Variants in MYO18B observed in about 807,000 individuals in gnomAD.
MYO18B encodes the protein myosin XVIIIB, also known as unconventional myosin-XVIIIb.
A neutral mutation model predicts 273.0 loss-of-function variants in MYO18B; 204 were observed. The ratio of observed to expected loss-of-function variants is 0.75; its 90% CI spans 0.67 to 0.84. The LOEUF (loss-of-function observed/expected upper bound fraction) is 0.84. Among genes scored for constraint, MYO18B ranks in the 40% least tolerant of loss-of-function variants. The pLI, the probability that MYO18B is intolerant of heterozygous loss-of-function variation, is 0.00. For missense variants in MYO18B, 3,212 were observed against 3,287.6 expected, an observed-to-expected ratio of 0.98 and a Z score of 0.56; for synonymous variants, 1,330 against 1,305.7, an observed-to-expected ratio of 1.02 and a Z score of -0.40.
In MYO18B at chr22:25,960,881, G is replaced by A. The variant is rs999605379; in HGVS notation, c.6156+5517G>A. Among the ~76,000 whole-genome samples, 4 of 152,122 alleles carry A rather than the reference G, an allele frequency of 2.6e-5. No individual in the cohort carries two copies. In the East Asian group the frequency reaches 7.7e-4, roughly 29 times the overall value. On this transcript the variant is annotated intron_variant, in intron 39 of 43. Coordinates refer to ENST00000335473, the MANE Select transcript of MYO18B (RefSeq NM_032608.7). The stretch of plus-strand genomic sequence containing the variant: ...ATCTTTTATGGGGCCGGATATGTTG[G>A]CTCATGCTTTATAATCCTAGCACTT...
At chr22:25,850,708 A>G (rs1443491232) in intron 20 of MYO18B, among the ~76,000 whole-genome samples, 1 of 152,122 alleles carries the variant, frequency 6.6e-6, no homozygotes, top group Non-Finnish European at 1.5e-5. Flanking sequence ...AGTAGCTGCG[A>G]CTACAGGAAC....
intron 30 of MYO18B, 114 bp downstream of exon 30, chr22:25,902,850 G>C (rs1183479035): frequency 5.0e-6 from 6 of 1,206,340 alleles, no homozygotes; most frequent in Non-Finnish European, 6.8e-6. Context: ...AGGGTATCCT[G>C]GTCTGTCAAG....
the MYO18B span, among the ~76,000 whole-genome samples, chr22:26,059,157 C>G: frequency 5.3e-5 from 8 of 152,152 alleles, no homozygotes; most frequent in Non-Finnish European, 1.0e-4. Context: ...TTTCTGACTC[C>G]CAGAAGTGGT....
the MYO18B span, among the ~76,000 whole-genome samples, chr22:26,044,710 C>T: frequency 6.6e-6 from 1 of 152,172 alleles, no homozygotes; most frequent in Non-Finnish European, 1.5e-5. Flanking sequence ...TCTGAATTTG[C>T]ATTTGACCAT....
At chr22:26,055,718 C>G in the MYO18B span, among the ~76,000 whole-genome samples, 1 of 152,124 alleles carries the variant, frequency 6.6e-6, no homozygotes, top group Non-Finnish European at 1.5e-5. Context: ...TTCTGGAAAC[C>G]TTGTGCCCTA....
intron 7 of MYO18B, among the ~76,000 whole-genome samples, chr22:25,773,533 G>T (rs955848179): frequency 6.6e-6 from 1 of 151,996 alleles, no homozygotes; most frequent in Non-Finnish European, 1.5e-5. Context: ...GCACGATCTC[G>T]GCTCACTGCA....
At chr22:25,861,773 C>T (rs1406828031) in intron 21 of MYO18B, among the ~76,000 whole-genome samples, 1 of 152,120 alleles carries the variant, frequency 6.6e-6, no homozygotes, top group Non-Finnish European at 1.5e-5. Context: ...TTGAACACCC[C>T]TTCTAGTGAT....
chr22:25,956,503 ACTGCGCCCGGC>A (rs1449526458), intron 39 of MYO18B, among the ~76,000 whole-genome samples: 4 of 152,216 alleles, frequency 2.6e-5, no homozygotes, highest in Non-Finnish European at 5.9e-5. Context: ...AGTGTGAGCC[ACTGCGCCCGGC>A]CCCAAGGAAC....
intron 28 of MYO18B, chr22:25,898,029 TCTGTGGGTGCATTGG>T (rs2091848974): frequency 5.5e-6 from 2 of 361,140 alleles, no homozygotes; most frequent in East Asian, 1.1e-4. Context: ...GTAGGTAAAG[TCTGTGGGTGCATTGG>T]CTGGAGGTTT....
intron 36 of MYO18B, among the ~76,000 whole-genome samples, chr22:25,948,486 C>CTT (rs767017177): frequency 6.8e-5 from 5 of 73,268 alleles, no homozygotes; most frequent in Admixed American, 1.5e-4. Context: ...TTCTTTCTTT[C>CTT]TCTTTCTTTC....
chr22:25,836,829 G>A (rs577846702), intron 17 of MYO18B, among the ~76,000 whole-genome samples: 3 of 152,198 alleles, frequency 2.0e-5, no homozygotes, highest in South Asian at 4.2e-4. Flanking sequence ...GGGTGTGATG[G>A]CGCATGCCTG....
chr22:25,930,059 C>T (rs1182239586), intron 34 of MYO18B, among the ~76,000 whole-genome samples: 1 of 152,152 alleles, frequency 6.6e-6, no homozygotes, highest in African/African-American at 2.4e-5. Flanking sequence ...TGCACCTGCC[C>T]TCACCTCTTC....
At chr22:25,968,651 CTA>C (rs1267361930) in intron 39 of MYO18B, among the ~76,000 whole-genome samples, 2 of 152,122 alleles carry the variant, frequency 1.3e-5, no homozygotes, top group Non-Finnish European at 2.9e-5. Context: ...AATTCCCTTT[CTA>C]TCTTCTCAAA....
intron 39 of MYO18B, among the ~76,000 whole-genome samples, chr22:25,955,933 C>T (rs2092846363): frequency 6.6e-6 from 1 of 152,144 alleles, no homozygotes; most frequent in Admixed American, 6.5e-5. Flanking sequence ...TTCAAGCCAC[C>T]ATGTGTGAAG....
At chr22:25,805,757 A>G (rs1243943433) in intron 12 of MYO18B, among the ~76,000 whole-genome samples, 1 of 152,128 alleles carries the variant, frequency 6.6e-6, no homozygotes, top group East Asian at 1.9e-4. Flanking sequence ...TCAGCTGCAG[A>G]GGATGTTTCC....
chr22:25,890,446 C>T (rs538715792), intron 25 of MYO18B, among the ~76,000 whole-genome samples: 1 of 152,182 alleles, frequency 6.6e-6, no homozygotes, highest in Non-Finnish European at 1.5e-5. Context: ...AGGCACCGTG[C>T]TAAGCTTTCA....
At chr22:25,932,390 CT>C (rs1298724124) in intron 34 of MYO18B, among the ~76,000 whole-genome samples, 4 of 135,472 alleles carry the variant, frequency 3.0e-5, no homozygotes, top group African/African-American at 7.9e-5. Flanking sequence ...CTTTTCTTTT[CT>C]TTTCTTTTTT....
At chr22:25,779,976 G>A in intron 8 of MYO18B, 80 bp from the exon 9 acceptor site, 1 of 1,468,312 alleles carries the variant, frequency 6.8e-7, no homozygotes, top group Non-Finnish European at 9.0e-7. Flanking sequence ...CAGGGGCCGT[G>A]GAAAAGGTGG....
At chr22:25,928,834 T>C (rs966704776) in intron 34 of MYO18B, among the ~76,000 whole-genome samples, 6 of 151,982 alleles carry the variant, frequency 3.9e-5, no homozygotes, top group Non-Finnish European at 8.8e-5. Flanking sequence ...GGACCATGGA[T>C]TTGAAAGGAG....
Sources: gnomAD v4.1 joint callset for allele counts (sites outside exome capture counted in the v4.1 genomes callset) on GRCh38, gnomAD v4.1.1 for gene constraint, MANE v1.5 for transcripts, NCBI Gene and HGNC (gene_info 2026-07-23, HGNC 2026-07-21) for gene names.